RPTOR: variants seen among roughly 807,000 people sequenced by gnomAD.
RPTOR encodes regulatory-associated protein of mTOR.
A neutral mutation model predicts 169.9 loss-of-function variants in RPTOR; 21 were observed. The observed-to-expected ratio is 0.12, with a 90% CI of 0.09 to 0.18. RPTOR has a LOEUF of 0.18. Among genes scored for constraint, RPTOR ranks in the 10% least tolerant of loss-of-function variants. The pLI, the probability that RPTOR is intolerant of heterozygous loss-of-function variation, is 1.00. For missense variants in RPTOR, 1,133 were observed against 1,855.9 expected, an observed-to-expected ratio of 0.61 and a Z score of 7.16; for synonymous variants, 732 against 753.2, an observed-to-expected ratio of 0.97 and a Z score of 0.46.
chr17:80,728,037 G>A (rs549093187), intron 4 of RPTOR, among the ~76,000 whole-genome samples: 2 of 152,272 alleles, frequency 1.3e-5, no homozygotes, highest in South Asian at 4.1e-4. Context: ...ATGGATGGAT[G>A]GATGAATGGA....
chr17:80,893,915 C>A, intron 20 of RPTOR, 50 bp downstream of exon 20: 3 of 1,496,862 alleles, frequency 2.0e-6, no homozygotes, highest in Non-Finnish European at 2.7e-6. Flanking sequence ...AGGGTCTCCT[C>A]CCCACACAGA....
intron 1 of RPTOR, among the ~76,000 whole-genome samples, chr17:80,604,587 C>T (rs985777367): frequency 2.6e-5 from 4 of 152,142 alleles, no homozygotes; most frequent in Non-Finnish European, 5.9e-5. Context: ...TCTCACGCCG[C>T]TAATAAAGAC....
chr17:80,839,050 C>T (rs1029024758), intron 10 of RPTOR, among the ~76,000 whole-genome samples: 3 of 152,228 alleles, frequency 2.0e-5, no homozygotes, highest in Non-Finnish European at 2.9e-5. Context: ...AGGAAGGTTC[C>T]GTCCACTGCA....
intron 24 of RPTOR, among the ~76,000 whole-genome samples, chr17:80,933,690 G>A (rs979535988): frequency 1.3e-5 from 2 of 152,160 alleles, no homozygotes; most frequent in Non-Finnish European, 2.9e-5. Flanking sequence ...AACAACTCAC[G>A]CTTCCTGATT....
rs949727832 is a variant in RPTOR at position 80,927,289 on chromosome 17, G to A, written c.2919+1809G>A. Among the ~76,000 whole-genome samples, 6 of 152,214 alleles carry A rather than the reference G, an allele frequency of 3.9e-5. No homozygotes were observed. In the South Asian group the frequency reaches 6.2e-4, roughly 16 times the overall value. ...TTGATGCGGTCTCGTGCTTAAGGCAGACAAGGTCAGGCGACTAAGAAACCC... is the reference window on the plus strand; with the variant it reads ...TTGATGCGGTCTCGTGCTTAAGGCAAACAAGGTCAGGCGACTAAGAAACCC... On this transcript the variant is annotated intron_variant, in intron 24 of 33. Transcript: ENST00000306801.
intron 10 of RPTOR, 151 bp downstream of exon 10, chr17:80,838,148 T>G: frequency 1.6e-6 from 1 of 625,626 alleles, no homozygotes. Context: ...GTTGCCAGAG[T>G]TTAAAACATC....
chr17:80,815,023 T>C (rs2067309381), intron 7 of RPTOR, among the ~76,000 whole-genome samples: 1 of 152,212 alleles, frequency 6.6e-6, no homozygotes. Flanking sequence ...ATGACAAGTC[T>C]GACATGGCTG....
chr17:80,891,573 C>A (rs2068324323), intron 17 of RPTOR, 147 bp from the exon 18 acceptor site: 5 of 656,880 alleles, frequency 7.6e-6, no homozygotes, highest in Non-Finnish European at 1.4e-5. Context: ...TCTGACGGTT[C>A]GAAAAGGGAT....
At chr17:80,873,795 A>G (rs34410650) in intron 13 of RPTOR, among the ~76,000 whole-genome samples, 34,924 of 152,192 alleles carry the variant, frequency 0.23, 4,131 homozygotes, top group Non-Finnish European at 0.25. Context: ...AATGTGAAGA[A>G]TCTCACTGTC....
At chr17:80,683,097 A>G (rs1169040787) in intron 3 of RPTOR, among the ~76,000 whole-genome samples, 1 of 152,200 alleles carries the variant, frequency 6.6e-6, no homozygotes, top group African/African-American at 2.4e-5. Flanking sequence ...CCAAGCGCTC[A>G]GCTGATCGAA....
chr17:80,805,632 T>C (rs925175905), intron 7 of RPTOR: 1 of 152,182 alleles, frequency 6.6e-6, no homozygotes, highest in African/African-American at 2.4e-5. Flanking sequence ...AAAATAAACA[T>C]GGGCTCAGAT....
At chr17:80,777,240 A>G (rs1411942787) in intron 6 of RPTOR, among the ~76,000 whole-genome samples, 1 of 151,072 alleles carries the variant, frequency 6.6e-6, no homozygotes, top group Non-Finnish European at 1.5e-5. Flanking sequence ...CCTCTCAAAA[A>G]AAAAAAAAGA....
intron 9 of RPTOR, among the ~76,000 whole-genome samples, chr17:80,829,451 A>G (rs1224045679): frequency 6.6e-6 from 1 of 152,218 alleles, no homozygotes; most frequent in Non-Finnish European, 1.5e-5. Context: ...TAATTATCTG[A>G]TTATTAGATG....
chr17:80,638,981 T>C (rs1023598397), intron 2 of RPTOR, among the ~76,000 whole-genome samples: 3 of 152,190 alleles, frequency 2.0e-5, no homozygotes, highest in Non-Finnish European at 2.9e-5. Context: ...CGGCCGAAGC[T>C]TTCCTGTCCC....
At chr17:80,827,635 T>A (rs1170844490) in intron 9 of RPTOR, among the ~76,000 whole-genome samples, 7 of 152,150 alleles carry the variant, frequency 4.6e-5, no homozygotes, top group Admixed American at 4.6e-4. Flanking sequence ...TGGGGCCACG[T>A]TCAAGCCTGT....
intron 7 of RPTOR, among the ~76,000 whole-genome samples, chr17:80,821,566 G>T (rs182991729): frequency 8.5e-5 from 13 of 152,292 alleles, no homozygotes; most frequent in Admixed American, 2.6e-4. Context: ...AATGGCAGCA[G>T]CCTCATCCCC....
chr17:80,709,136 C>T, intron 4 of RPTOR: 1 of 967,730 alleles, frequency 1.0e-6, no homozygotes, highest in African/African-American at 1.8e-5. Context: ...GCTCCTCCCG[C>T]AGGGCACAGG....
At chr17:80,886,284 C>T (rs1251369280) in intron 17 of RPTOR, among the ~76,000 whole-genome samples, 3 of 152,218 alleles carry the variant, frequency 2.0e-5, no homozygotes, top group South Asian at 2.1e-4. Context: ...CACGTTCTAT[C>T]GTGTGTACCC....
chr17:80,616,305 T>TC (rs1213639705), intron 1 of RPTOR, among the ~76,000 whole-genome samples: 1 of 102,438 alleles, frequency 9.8e-6, no homozygotes, highest in East Asian at 2.3e-4. Context: ...AATCTTTTTT[T>TC]TTTTTTTTTT....
Sources: allele counts gnomAD v4.1 joint callset (sites outside exome capture counted in the v4.1 genomes callset), GRCh38; gene constraint gnomAD v4.1.1; transcripts MANE v1.5; gene names NCBI Gene and HGNC (gene_info 2026-07-23, HGNC 2026-07-21).